Variants in RANBP2 observed in about 807,000 individuals in gnomAD.
The protein encoded by RANBP2 is E3 SUMO-protein ligase RanBP2.
A neutral mutation model predicts 303.6 loss-of-function variants in RANBP2; 57 were observed. The ratio of observed to expected loss-of-function variants is 0.19; its 90% CI spans 0.15 to 0.23. The LOEUF is 0.23. Ranked by LOEUF, RANBP2 falls within the 10% of genes least tolerant of loss-of-function variation. The pLI is 1.00. For synonymous variants in RANBP2, 1,167 were observed against 1,301.5 expected, an observed-to-expected ratio of 0.90 and a Z score of 2.23; for missense variants, 3,138 against 3,780.8, an observed-to-expected ratio of 0.83 and a Z score of 4.46.
the RANBP2 span, among the ~76,000 whole-genome samples, chr2:109,382,488 A>G: frequency 6.6e-6 from 1 of 152,064 alleles, no homozygotes; most frequent in Non-Finnish European, 1.5e-5. Flanking sequence ...CCTCATCTGC[A>G]TGAACTCTCC....
chr2:108,853,982 TAA>T, the RANBP2 span, among the ~76,000 whole-genome samples: 1 of 9,438 alleles, frequency 1.1e-4, no homozygotes, highest in Non-Finnish European at 3.7e-4. Context: ...ATATAATATA[TAA>T]TATATAATAA....
the RANBP2 span, among the ~76,000 whole-genome samples, chr2:109,651,275 C>T: frequency 6.6e-6 from 1 of 152,136 alleles, no homozygotes. Flanking sequence ...CTCCCTGGCT[C>T]ATGGCATCCT....
the RANBP2 span, among the ~76,000 whole-genome samples, chr2:108,797,340 TGGAGG>T: frequency 6.6e-6 from 1 of 152,054 alleles, no homozygotes; most frequent in African/African-American, 2.4e-5. Context: ...CATTTTAAGT[TGGAGG>T]AAAGAGACGG....
chr2:108,883,349 A>G, the RANBP2 span: 3 of 152,216 alleles, frequency 2.0e-5, no homozygotes, highest in Non-Finnish European at 2.9e-5. Context: ...AAGAATGTGC[A>G]CTATTTACTG....
Position 108,767,001 on chromosome 2 carries a change from C to G in RANBP2, c.6462C>G (p.Pro2154=), listed in dbSNP as rs756945982. ...TGTTAGACATACCACTTCAAACTCC[C>G]CATAAACTTGTAGATACTGGCAGAG... ...RLLLDIPLQT[P]HKLVDTGRAA... is the part of the protein sequence containing the mutation. Residue 2154 remains proline (P), a synonymous_variant, in exon 20 of 29, where the codon CCC becomes CCG. Transcript: ENST00000283195. 6.2e-7 allele frequency: 1 copy of G among 1,609,760 alleles called. No homozygotes were observed. Among genetic ancestry groups the G allele is most frequent in the Non-Finnish European group, 8.5e-7 (1 of 1,179,828 alleles).
the RANBP2 span, among the ~76,000 whole-genome samples, chr2:109,061,601 A>G: frequency 6.6e-6 from 1 of 152,144 alleles, no homozygotes; most frequent in Non-Finnish European, 1.5e-5. Context: ...TATATTTCAA[A>G]CACTAGTTGA....
the RANBP2 span, among the ~76,000 whole-genome samples, chr2:108,919,546 C>T: frequency 1.4e-4 from 21 of 152,202 alleles, no homozygotes; most frequent in East Asian, 3.1e-3. Context: ...TTAGTAGAGA[C>T]GGGTTTTCTC....
the RANBP2 span, chr2:108,896,445 T>C: frequency 3.2e-5 from 5 of 157,054 alleles, no homozygotes; most frequent in South Asian, 1.9e-4. Context: ...ATTAACGTTT[T>C]CTAAGCGCCC....
At chr2:109,545,875 T>C in the RANBP2 span, 2 of 1,448,182 alleles carry the variant, frequency 1.4e-6, no homozygotes, top group Non-Finnish European at 9.1e-7. Context: ...TTCTGGATGC[T>C]GGGGAAACAG....
chr2:109,380,968 T>C, the RANBP2 span, among the ~76,000 whole-genome samples: 1 of 152,260 alleles, frequency 6.6e-6, no homozygotes, highest in Non-Finnish European at 1.5e-5. Flanking sequence ...GCAGGAGTCG[T>C]TGCTGATTGC....
At chr2:109,473,378 T>A in the RANBP2 span, among the ~76,000 whole-genome samples, 1 of 152,114 alleles carries the variant, frequency 6.6e-6, no homozygotes, top group Non-Finnish European at 1.5e-5. Flanking sequence ...GAATAGGGCG[T>A]GCTCTGAGGC....
chr2:109,712,037 C>G, the RANBP2 span, among the ~76,000 whole-genome samples: 5 of 152,138 alleles, frequency 3.3e-5, no homozygotes, highest in African/African-American at 9.7e-5. Flanking sequence ...GTCCAGAGCT[C>G]GGGAAGAGGA....
the RANBP2 span, among the ~76,000 whole-genome samples, chr2:109,689,010 G>A: frequency 2.7e-5 from 4 of 150,846 alleles, no homozygotes; most frequent in Non-Finnish European, 5.9e-5. Flanking sequence ...GGGTTTAAGC[G>A]ACTCTCCTGC....
the RANBP2 span, among the ~76,000 whole-genome samples, chr2:109,142,293 T>C: frequency 2.0e-5 from 3 of 152,214 alleles, no homozygotes; most frequent in African/African-American, 7.2e-5. Flanking sequence ...TTCTCAGGAA[T>C]AGGTGTTTAC....
chr2:109,316,969 A>G, the RANBP2 span, among the ~76,000 whole-genome samples: 2 of 151,700 alleles, frequency 1.3e-5, no homozygotes, highest in African/African-American at 4.8e-5. Context: ...ATGTCTTTTC[A>G]TGGCTTCATA....
chr2:109,159,277 C>T, the RANBP2 span, among the ~76,000 whole-genome samples: 2 of 152,224 alleles, frequency 1.3e-5, no homozygotes, highest in African/African-American at 4.8e-5. Context: ...CCCGGCGCAG[C>T]TGCCTCTCTC....
the RANBP2 span, among the ~76,000 whole-genome samples, chr2:109,260,192 C>T: frequency 1.3e-5 from 2 of 152,124 alleles, no homozygotes; most frequent in African/African-American, 2.4e-5. Flanking sequence ...GATAAGCCTG[C>T]AGTGCACTAC....
the RANBP2 span, among the ~76,000 whole-genome samples, chr2:108,951,021 T>C: frequency 6.6e-6 from 1 of 152,240 alleles, no homozygotes; most frequent in African/African-American, 2.4e-5. Context: ...GCACTGATGC[T>C]TCTATATTGA....
At chr2:109,555,673 C>A in the RANBP2 span, among the ~76,000 whole-genome samples, 1 of 152,188 alleles carries the variant, frequency 6.6e-6, no homozygotes, top group African/African-American at 2.4e-5. Flanking sequence ...ACATCTGAAG[C>A]CTGTTAGCAA....
Sources: gnomAD v4.1 joint callset for allele counts (sites outside exome capture counted in the v4.1 genomes callset) on GRCh38, gnomAD v4.1.1 for gene constraint, MANE v1.5 for transcripts, NCBI Gene and HGNC (gene_info 2026-07-23, HGNC 2026-07-21) for gene names.